The following TRDN variants were observed in gnomAD, a reference collection of about 807,000 sequenced individuals.
TRDN encodes triadin.
Under a neutral mutation model 149.7 loss-of-function variants are expected in TRDN, and 161 were observed. The observed-to-expected ratio is 1.08, with a 90% CI of 0.95 to 1.23. TRDN has a LOEUF of 1.23. Ranked by LOEUF, TRDN falls within the 50% of genes most tolerant of loss-of-function variation. The probability of loss-of-function intolerance (pLI) is 0.00; values close to 1 mark genes in which losing one functional copy is unlikely to be tolerated. For synonymous variants in TRDN, 294 were observed against 250.5 expected (o/e 1.17, Z -1.64); for missense variants, 896 against 823.5 (o/e 1.09, Z -1.08).
At chr6:123,550,547 T>C (rs1318497061) in intron 2 of TRDN, among the ~76,000 whole-genome samples, 3 of 152,064 alleles carry the variant, frequency 2.0e-5, no homozygotes, top group Non-Finnish European at 4.4e-5. Context: ...TATATTTTTA[T>C]GCATATGACA....
intron 31 of TRDN, among the ~76,000 whole-genome samples, chr6:123,268,109 T>C (rs1199529202): frequency 2.0e-5 from 3 of 152,088 alleles, no homozygotes; most frequent in Non-Finnish European, 4.4e-5. Context: ...TAGTGGATGG[T>C]ATTTGTCTTT....
chr6:123,611,080 T>C lies in TRDN; in HGVS notation c.22+25674A>G, dbSNP rs2114678683. ...AGCTGAATCAACTCTGAGAAGACTA[T>C]TTACCTTAGTCATTTGTGAGCATTC... On this transcript the variant is annotated intron_variant, in intron 1 of 40. Coordinates refer to ENST00000334268, the MANE Select transcript of TRDN (RefSeq NM_006073.4). 1.3e-5 allele frequency among the ~76,000 whole-genome samples: 2 copies of C among 152,306 alleles called. 1 individual carries two copies. The highest frequency in any genetic ancestry group is 4.1e-4 in the South Asian group (2 of 4,828).
intron 1 of TRDN, among the ~76,000 whole-genome samples, chr6:123,576,383 G>A (rs1240899471): frequency 6.6e-6 from 1 of 152,050 alleles, no homozygotes; most frequent in African/African-American, 2.4e-5. Flanking sequence ...TTTGGGATAT[G>A]ATTATCATAA....
Position 123,608,294 on chromosome 6 carries a change from A to G in TRDN, c.22+28460T>C, listed in dbSNP as rs1431613101. ...ATATGCTCTATCTTCTAGGGCAGCT[A>G]TGATAATTTAATTTAAAAAATACTT... On this transcript the variant is annotated intron_variant, in intron 1 of 40. Transcript: ENST00000334268. Among the ~76,000 whole-genome samples, 5 of 152,134 alleles carry G rather than the reference A, an allele frequency of 3.3e-5. No individual in the cohort carries two copies. The East Asian group carries it at 9.6e-4, about 29-fold the overall frequency.
At chr6:123,324,663 T>C (rs903676978) in intron 23 of TRDN, among the ~76,000 whole-genome samples, 1 of 151,948 alleles carries the variant, frequency 6.6e-6, no homozygotes, top group African/African-American at 2.4e-5. Flanking sequence ...ACACTTAGAG[T>C]TGCACGTGTA....
intron 23 of TRDN, among the ~76,000 whole-genome samples, chr6:123,330,307 A>C (rs898225765): frequency 1.3e-5 from 2 of 152,078 alleles, no homozygotes; most frequent in Non-Finnish European, 2.9e-5. Context: ...ACCAACAGTA[A>C]GATCATGTTA....
At chr6:123,325,539 AGAG>A (rs1779412623) in intron 23 of TRDN, among the ~76,000 whole-genome samples, 1 of 152,148 alleles carries the variant, frequency 6.6e-6, no homozygotes, top group East Asian at 1.9e-4. Context: ...TTAAAAATTT[AGAG>A]TAGTGAATAA....
chr6:123,501,940 A>G (rs1778718784), intron 8 of TRDN: 1 of 985,140 alleles, frequency 1.0e-6, no homozygotes, highest in Non-Finnish European at 1.2e-6. Flanking sequence ...ATGAGTTTTT[A>G]TCAATAAAAT....
intron 12 of TRDN, among the ~76,000 whole-genome samples, chr6:123,405,458 G>A (rs1007725846): frequency 8.5e-5 from 13 of 152,066 alleles, no homozygotes; most frequent in African/African-American, 1.4e-4. Context: ...TGAACTATAC[G>A]CTGAGTTTTA....
chr6:123,513,595 C>G (rs1779276689), intron 6 of TRDN, among the ~76,000 whole-genome samples: 1 of 151,678 alleles, frequency 6.6e-6, no homozygotes, highest in African/African-American at 2.4e-5. Flanking sequence ...ATTTCTAGAA[C>G]AGAGAAAGGA....
At chr6:123,443,785 C>T (rs1775099307) in intron 10 of TRDN, among the ~76,000 whole-genome samples, 2 of 147,944 alleles carry the variant, frequency 1.4e-5, no homozygotes, top group African/African-American at 5.2e-5. Context: ...GAATCCTTTC[C>T]CCATTGCTTG....
chr6:123,457,048 T>G (rs1423331839), intron 10 of TRDN, among the ~76,000 whole-genome samples: 3 of 152,226 alleles, frequency 2.0e-5, no homozygotes, highest in Non-Finnish European at 1.5e-5. Flanking sequence ...AAGTTTCACT[T>G]AGAATTCCAT....
chr6:123,279,761 T>G (rs2114628885), intron 24 of TRDN, among the ~76,000 whole-genome samples: 1 of 152,210 alleles, frequency 6.6e-6, no homozygotes, highest in African/African-American at 2.4e-5. Context: ...CACTTTCCCT[T>G]TCTTTTTAAG....
chr6:123,379,515 T>C (rs1781634082), intron 16 of TRDN, among the ~76,000 whole-genome samples: 1 of 152,160 alleles, frequency 6.6e-6, no homozygotes, highest in Admixed American at 6.5e-5. Flanking sequence ...TCCAAGAAAT[T>C]TGTGATGACA....
chr6:123,463,709 A>G (rs988977471), intron 10 of TRDN, among the ~76,000 whole-genome samples: 3 of 151,570 alleles, frequency 2.0e-5, no homozygotes, highest in Non-Finnish European at 4.4e-5. Context: ...CTCTTAAGTC[A>G]TGTGAACTAT....
At chr6:123,565,877 A>G (rs1048629961) in intron 2 of TRDN, among the ~76,000 whole-genome samples, 1 of 152,196 alleles carries the variant, frequency 6.6e-6, no homozygotes, top group Non-Finnish European at 1.5e-5. Flanking sequence ...TGAGAGACAA[A>G]CAAGTCTTCC....
intron 9 of TRDN, among the ~76,000 whole-genome samples, chr6:123,495,086 G>T (rs1778388112): frequency 1.3e-5 from 2 of 152,054 alleles, no homozygotes; most frequent in African/African-American, 4.8e-5. Context: ...TCACCCTGTA[G>T]CCCAGAATGG....
intron 2 of TRDN, among the ~76,000 whole-genome samples, chr6:123,566,736 A>G (rs1173770462): frequency 6.6e-6 from 1 of 152,196 alleles, no homozygotes; most frequent in Admixed American, 6.5e-5. Context: ...AATCCCTAGC[A>G]AAAGTTTGAA....
chr6:123,593,117 G>C (rs1267866146), intron 1 of TRDN, among the ~76,000 whole-genome samples: 1 of 152,140 alleles, frequency 6.6e-6, no homozygotes, highest in East Asian at 1.9e-4. Flanking sequence ...TCATTAAAGA[G>C]TTTTGCTAAG....
Sources: gnomAD v4.1 joint callset for allele counts (sites outside exome capture counted in the v4.1 genomes callset) on GRCh38, gnomAD v4.1.1 for gene constraint, MANE v1.5 for transcripts, NCBI Gene and HGNC (gene_info 2026-07-23, HGNC 2026-07-21) for gene names.